The following SLC4A10 variants were observed in gnomAD, a reference collection of about 807,000 sequenced individuals.
The protein encoded by SLC4A10 is sodium-driven chloride bicarbonate exchanger.
In SLC4A10, 42 loss-of-function variants were observed where a neutral mutation model predicts 137.7. That is an observed-to-expected ratio of 0.30 (90% CI 0.24 to 0.39). The LOEUF (loss-of-function observed/expected upper bound fraction) is 0.39, where lower values mean the gene tolerates loss of function less well. Ranked by LOEUF, SLC4A10 falls within the 10% of genes least tolerant of loss-of-function variation. The pLI, the probability that SLC4A10 is intolerant of heterozygous loss-of-function variation, is 1.00. For synonymous variants in SLC4A10, 474 were observed against 464.1 expected (o/e 1.02, Z -0.27); for missense variants, 925 against 1,355.0 (o/e 0.68, Z 4.98).
intron 1 of SLC4A10, among the ~76,000 whole-genome samples, chr2:161,689,441 C>T (rs2041766739): frequency 6.6e-6 from 1 of 152,256 alleles, no homozygotes; most frequent in African/African-American, 2.4e-5. Flanking sequence ...ATTACAATTG[C>T]ATACACTATT....
At chr2:161,727,945 T>C (rs918858819) in intron 1 of SLC4A10, among the ~76,000 whole-genome samples, 16 of 152,078 alleles carry the variant, frequency 1.1e-4, no homozygotes. Context: ...CATCATCAAA[T>C]TGCAAAAGAC....
At chr2:161,932,304 A>G (rs1284293503) in intron 15 of SLC4A10, among the ~76,000 whole-genome samples, 1 of 152,190 alleles carries the variant, frequency 6.6e-6, no homozygotes, top group East Asian at 1.9e-4. Context: ...CACTGCCACT[A>G]CTGTAAAACC....
At chr2:161,850,241 A>G (rs1480517245) in intron 4 of SLC4A10, among the ~76,000 whole-genome samples, 1 of 151,972 alleles carries the variant, frequency 6.6e-6, no homozygotes, top group East Asian at 1.9e-4. Context: ...AATACAAAAA[A>G]ATTAGCTAGA....
chr2:161,817,556 A>G (rs2057209230), intron 3 of SLC4A10, among the ~76,000 whole-genome samples: 1 of 152,140 alleles, frequency 6.6e-6, no homozygotes, highest in South Asian at 2.1e-4. Flanking sequence ...GTCCTTGCCC[A>G]TGCCTATGTC....
Position 161,735,669 on chromosome 2 carries a change from G to A in SLC4A10, c.49-35304G>A, listed in dbSNP as rs1220858266. Among the ~76,000 whole-genome samples the A allele has an allele frequency of 2.0e-5, 3 of 152,070 alleles. No individual in the cohort carries two copies. The East Asian group carries it at 5.8e-4, about 29-fold the overall frequency. ...GACAGAAGACAGCTATGAAGATGATGTCTGAAGGATCCAACCCTTCGTAGA... is the reference window on the plus strand; with the variant it reads ...GACAGAAGACAGCTATGAAGATGATATCTGAAGGATCCAACCCTTCGTAGA... On this transcript the variant is annotated intron_variant, in intron 1 of 26. Transcript: ENST00000446997.
chr2:161,729,759 G>A (rs148051866), intron 1 of SLC4A10, among the ~76,000 whole-genome samples: 25 of 152,266 alleles, frequency 1.6e-4, no homozygotes, highest in African/African-American at 5.8e-4. Flanking sequence ...ACAGGGAAAG[G>A]TTTAAAAGAC....
intron 15 of SLC4A10, among the ~76,000 whole-genome samples, chr2:161,914,674 G>A (rs907344533): frequency 1.3e-5 from 2 of 151,758 alleles, no homozygotes; most frequent in African/African-American, 4.8e-5. Context: ...TATTATAAAA[G>A]CAGATTTTGG....
At chr2:161,924,721 A>G (rs945900114) in intron 15 of SLC4A10, among the ~76,000 whole-genome samples, 2 of 152,192 alleles carry the variant, frequency 1.3e-5, no homozygotes, top group Non-Finnish European at 1.5e-5. Flanking sequence ...TGACATTGGT[A>G]CATCAAATTT....
intron 1 of SLC4A10, among the ~76,000 whole-genome samples, chr2:161,700,554 T>G (rs1489037998): frequency 6.6e-6 from 1 of 152,150 alleles, no homozygotes; most frequent in African/African-American, 2.4e-5. Context: ...AATAATAAAA[T>G]AATATCATTT....
intron 1 of SLC4A10, among the ~76,000 whole-genome samples, chr2:161,762,011 A>G (rs1006944229): frequency 6.6e-6 from 1 of 152,152 alleles, no homozygotes. Context: ...ATGTATAAAG[A>G]TGAAACAACA....
chr2:161,720,628 T>C (rs1038605290), intron 1 of SLC4A10, among the ~76,000 whole-genome samples: 2 of 152,154 alleles, frequency 1.3e-5, no homozygotes, highest in Non-Finnish European at 2.9e-5. Context: ...TTTACCATTA[T>C]ATAATGCCCT....
chr2:161,977,560 T>A (rs1289259151), intron 25 of SLC4A10, among the ~76,000 whole-genome samples, 162 bp from the exon 26 acceptor site: 2 of 152,226 alleles, frequency 1.3e-5, no homozygotes, highest in Non-Finnish European at 2.9e-5. Flanking sequence ...TAGATGCTGA[T>A]CTGAAGAAAG....
chr2:161,906,669 C>T (rs1684442371), intron 15 of SLC4A10, among the ~76,000 whole-genome samples: 2 of 152,142 alleles, frequency 1.3e-5, no homozygotes, highest in African/African-American at 4.8e-5. Flanking sequence ...CATCAACCAC[C>T]AATCATTTCC....
intron 5 of SLC4A10, among the ~76,000 whole-genome samples, chr2:161,859,579 C>A (rs1341412478): frequency 8.6e-6 from 1 of 115,612 alleles, no homozygotes; most frequent in Non-Finnish European, 1.8e-5. Context: ...TCCTTTTTTT[C>A]TTTTCTTTTC....
intron 3 of SLC4A10, among the ~76,000 whole-genome samples, chr2:161,837,646 AAAG>A (rs1156286154): frequency 6.6e-6 from 1 of 152,218 alleles, no homozygotes. Context: ...CAGTTTTGAA[AAAG>A]AAGAGCAAAG....
chr2:161,860,051 G>A (rs951174340), intron 5 of SLC4A10, among the ~76,000 whole-genome samples: 1 of 152,138 alleles, frequency 6.6e-6, no homozygotes, highest in Non-Finnish European at 1.5e-5. Context: ...TTGTAGTGGT[G>A]AAAAGAACAA....
In SLC4A10 at chr2:161,723,793, A is replaced by T. The variant is rs186482615; in HGVS notation, c.49-47180A>T. On this transcript the variant is annotated intron_variant, in intron 1 of 26. Transcript: ENST00000446997. The stretch of plus-strand genomic sequence containing the variant: ...CCAGGCTTGAATATTTTCAAAAAAC[A>T]TTCCAAGTAAATATAATTAGCAGAC... Among the ~76,000 whole-genome samples, 3 of 152,314 alleles carry T rather than the reference A, an allele frequency of 2.0e-5. No homozygotes were observed. The East Asian group carries it at 5.8e-4, about 29-fold the overall frequency.
At chr2:161,910,915 G>A (rs1685683818) in intron 15 of SLC4A10, among the ~76,000 whole-genome samples, 1 of 151,304 alleles carries the variant, frequency 6.6e-6, no homozygotes, top group Non-Finnish European at 1.5e-5. Flanking sequence ...TCATTCTCAC[G>A]GTCCCTAATT....
chr2:161,653,705 G>T (rs2037128361), intron 1 of SLC4A10, among the ~76,000 whole-genome samples: 1 of 152,158 alleles, frequency 6.6e-6, no homozygotes, highest in East Asian at 1.9e-4. Context: ...CATCTATGTT[G>T]TCAAATATGG....
Sources: allele counts gnomAD v4.1 joint callset (sites outside exome capture counted in the v4.1 genomes callset), GRCh38; gene constraint gnomAD v4.1.1; transcripts MANE v1.5; gene names NCBI Gene and HGNC (gene_info 2026-07-23, HGNC 2026-07-21).